The following DMRT3 variants were observed in gnomAD, a reference collection of about 807,000 sequenced individuals.
DMRT3 encodes the protein doublesex and mab-3 related transcription factor 3.
A neutral mutation model predicts 34.9 loss-of-function variants in DMRT3; 29 were observed. The ratio of observed to expected loss-of-function variants is 0.83; its 90% CI spans 0.62 to 1.13. DMRT3 has a LOEUF of 1.13. Ranked by LOEUF, DMRT3 falls within the 50% of genes most tolerant of loss-of-function variation. The pLI is 0.00. For missense variants in DMRT3, 772 were observed against 629.1 expected (o/e 1.23, Z -2.43); for synonymous variants, 350 against 286.0 (o/e 1.22, Z -2.26).
At chr9:977,498 C>A in intron 1 of DMRT3, 43 bp downstream of exon 1, 1 of 1,255,164 alleles carries the variant, frequency 8.0e-7, no homozygotes, top group Admixed American at 3.3e-5. Flanking sequence ...GGCGCGGGGG[C>A]AACTTCGGAG....
At chr9:986,111 C>T (rs554568223) in intron 1 of DMRT3, among the ~76,000 whole-genome samples, 155 of 152,156 alleles carry the variant, frequency 1.0e-3, no homozygotes, top group Non-Finnish European at 1.6e-3. Flanking sequence ...CTAGCATGTC[C>T]CAGTAGCAGG....
Position 977,153 on chromosome 9 carries a change from A to G in DMRT3, c.152A>G (p.Lys51Arg). The G allele has an allele frequency of 6.2e-7, 1 of 1,611,736 alleles. No individual in the cohort carries two copies. Among genetic ancestry groups the G allele is most frequent in the Non-Finnish European group, 8.5e-7 (1 of 1,179,224 alleles). ...GGCCACAAGCGTTACTGCCGCTTCA[A>G]GGACTGCACCTGCGAGAAGTGCATC... Reference protein sequence around the residue: ...LKGHKRYCRFKDCTCEKCILI... With the variant: ...LKGHKRYCRFRDCTCEKCILI... Residue 51 changes from lysine (K) to arginine (R), a missense_variant, in exon 1 of 2, where the codon AAG becomes AGG. Transcript: ENST00000190165.
intron 1 of DMRT3, among the ~76,000 whole-genome samples, chr9:981,896 C>T (rs930076369): frequency 6.6e-6 from 1 of 152,138 alleles, no homozygotes; most frequent in Admixed American, 6.5e-5. Context: ...CAGAGACAGC[C>T]ACATCCCTTG....
chr9:991,254 A>G lies in DMRT3; in HGVS notation c.*249A>G, dbSNP rs533703306. ...TTGTAAAAGAGAGTCTAATGTTAAGAATAGTCTTGGGAAGGCTGGGTCCGT... is the reference window on the plus strand; with the variant it reads ...TTGTAAAAGAGAGTCTAATGTTAAGGATAGTCTTGGGAAGGCTGGGTCCGT... On this transcript the variant is annotated 3_prime_UTR_variant, in exon 2 of 2. Transcript: ENST00000190165. 20 of 408,870 alleles carry G rather than the reference A, an allele frequency of 4.9e-5. No homozygotes were observed. Among genetic ancestry groups the G allele is most frequent in the African/African-American group, 3.4e-4 (17 of 49,476 alleles). 25.3% of individuals were successfully genotyped at this position (408,870 alleles called of 1,614,324 possible).
At chr9:982,436 C>A (rs1352351188) in intron 1 of DMRT3, among the ~76,000 whole-genome samples, 1 of 152,222 alleles carries the variant, frequency 6.6e-6, no homozygotes, top group Non-Finnish European at 1.5e-5. Flanking sequence ...TCGACTTACA[C>A]AACCAACTTT....
At chr9:986,482 A>G (rs1420057135) in intron 1 of DMRT3, among the ~76,000 whole-genome samples, 2 of 152,176 alleles carry the variant, frequency 1.3e-5, no homozygotes, top group Non-Finnish European at 2.9e-5. Flanking sequence ...AATTTGGTTG[A>G]CAGACCTGAG....
rs768172906 is a variant in DMRT3 at position 990,786 on chromosome 9, G to A, written c.1200G>A (p.Gln400=). The A allele has an allele frequency of 6.2e-7, 1 of 1,614,078 alleles. No homozygotes were observed. Among genetic ancestry groups the A allele is most frequent in the Non-Finnish European group, 8.5e-7 (1 of 1,180,042 alleles). Reference sequence around the variant, plus strand: ...GGAACACCATGACGCTGCAGCAGCAGTATCAGCTGAGGTCCCAGTATGTCA... The same window carrying A: ...GGAACACCATGACGCTGCAGCAGCAATATCAGCTGAGGTCCCAGTATGTCA... The part of the protein sequence containing the change: ...TLWNTMTLQQ[Q]YQLRSQYVSP... The change falls in exon 2 of 2, where the codon CAG becomes CAA. Residue 400 remains glutamine, a synonymous_variant. Coordinates refer to ENST00000190165, the MANE Select transcript of DMRT3 (RefSeq NM_021240.4).
chr9:976,929 C>T lies in DMRT3; in HGVS notation c.-73C>T, dbSNP rs1031695815. On this transcript the variant is annotated 5_prime_UTR_variant, in exon 1 of 2. Transcript: ENST00000190165. The surrounding 1 kb of genome is among the most constrained non-coding windows in gnomAD (Gnocchi z 4.5). ...CCGGAGGCCGCCCCTGAGCGGGCCT[C>T]GCAGCCCCGCCGTCCAGCGCTCCCT... 1 of 1,367,600 alleles carries T rather than the reference C, an allele frequency of 7.3e-7. No homozygotes were observed. Among genetic ancestry groups the T allele is most frequent in the South Asian group, 1.8e-5 (1 of 56,880 alleles). The allele number at this position is 1,367,600 out of a possible 1,614,324, so 84.7% of individuals were successfully genotyped here. A position where few individuals can be genotyped will look rare whatever the true frequency, so the allele number is the denominator to read the frequency against.
chr9:987,465 G>A (rs1265139172), intron 1 of DMRT3, among the ~76,000 whole-genome samples: 3 of 147,714 alleles, frequency 2.0e-5, no homozygotes, highest in South Asian at 2.1e-4. Flanking sequence ...TGTACACCAC[G>A]TTTTATACAT....
intron 1 of DMRT3, among the ~76,000 whole-genome samples, chr9:985,538 T>G (rs1820272881): frequency 6.6e-6 from 1 of 152,232 alleles, no homozygotes; most frequent in Non-Finnish European, 1.5e-5. Context: ...TAAATTACAC[T>G]TTATCACTGG....
chr9:980,398 T>C (rs1586682522), intron 1 of DMRT3, among the ~76,000 whole-genome samples: 1 of 152,318 alleles, frequency 6.6e-6, no homozygotes, highest in East Asian at 1.9e-4. Context: ...CTTCTAGTTA[T>C]GAAGTATTCT....
chr9:985,294 C>T (rs1820269797), intron 1 of DMRT3, among the ~76,000 whole-genome samples: 1 of 152,194 alleles, frequency 6.6e-6, no homozygotes, highest in African/African-American at 2.4e-5. Context: ...CTATACCCAT[C>T]TACCGGGGTA....
At chr9:989,909 G>C (rs994441031) in intron 1 of DMRT3, 132 bp from the exon 2 acceptor site, 2 of 1,199,328 alleles carry the variant, frequency 1.7e-6, no homozygotes, top group Non-Finnish European at 2.3e-6. Flanking sequence ...TTTTAAAAAG[G>C]CTTGTAGTAT....
chr9:989,991 C>G (rs1350274509), intron 1 of DMRT3, 50 bp from the exon 2 acceptor site: 1 of 1,596,438 alleles, frequency 6.3e-7, no homozygotes, highest in African/African-American at 1.3e-5. Context: ...CACATCTGCT[C>G]CTCTTTATGC....
At chr9:978,140 G>C (rs1464775140) in intron 1 of DMRT3, among the ~76,000 whole-genome samples, 1 of 152,208 alleles carries the variant, frequency 6.6e-6, no homozygotes, top group Non-Finnish European at 1.5e-5. Context: ...AATCTGATGC[G>C]CCCAGAATTC....
chr9:985,947 C>T (rs1025991148), intron 1 of DMRT3, among the ~76,000 whole-genome samples: 3 of 152,138 alleles, frequency 2.0e-5, no homozygotes, highest in Non-Finnish European at 4.4e-5. Context: ...GGTTGGTTTA[C>T]GCTGAATTTG....
chr9:979,106 G>A (rs1820186191), intron 1 of DMRT3, among the ~76,000 whole-genome samples: 1 of 152,210 alleles, frequency 6.6e-6, no homozygotes, highest in Non-Finnish European at 1.5e-5. Context: ...GGTTAACTCA[G>A]CAGCACTCCT....
chr9:983,997 T>C (rs1320651815), intron 1 of DMRT3, among the ~76,000 whole-genome samples: 1 of 152,110 alleles, frequency 6.6e-6, no homozygotes. Context: ...TCGAGATCAT[T>C]CCCTGGTGTT....
At chr9:987,953 G>T (rs996629898) in intron 1 of DMRT3, among the ~76,000 whole-genome samples, 1 of 152,052 alleles carries the variant, frequency 6.6e-6, no homozygotes, top group Non-Finnish European at 1.5e-5. Flanking sequence ...AGTATGTATG[G>T]GTCATGAGTC....
Sources: gnomAD v4.1 joint callset for allele counts (sites outside exome capture counted in the v4.1 genomes callset) on GRCh38, gnomAD v4.1.1 for gene constraint, Gnocchi (gnomAD v3.1) non-coding constraint, MANE v1.5 for transcripts, NCBI Gene and HGNC (gene_info 2026-07-23, HGNC 2026-07-21) for gene names.